Variants in COPS3 observed in about 807,000 individuals in gnomAD.
COPS3 encodes COP9 signalosome complex subunit 3.
Under a neutral mutation model 58.2 loss-of-function variants are expected in COPS3, and 10 were observed. That is an observed-to-expected ratio of 0.17 (90% confidence interval 0.11 to 0.29). COPS3 has a LOEUF of 0.29. Among genes scored for constraint, COPS3 ranks in the 10% least tolerant of loss-of-function variants. The pLI, the probability that COPS3 is intolerant of heterozygous loss-of-function variation, is 1.00. For synonymous variants in COPS3, 187 were observed against 181.7 expected, an observed-to-expected ratio of 1.03 and a Z score of -0.24; for missense variants, 333 against 510.1, an observed-to-expected ratio of 0.65 and a Z score of 3.34.
chr17:17,255,027 C>CCACATTAAAT, intron 8 of COPS3, 82 bp from the exon 9 acceptor site: 1 of 942,902 alleles, frequency 1.1e-6, no homozygotes, highest in Non-Finnish European at 1.7e-6. Flanking sequence ...AGCGGCCAGG[C>CCACATTAAAT]GTGGTGGCTC....
intron 2 of COPS3, among the ~76,000 whole-genome samples, chr17:17,274,552 G>A (rs2048420547): frequency 6.6e-6 from 1 of 151,646 alleles, no homozygotes; most frequent in Non-Finnish European, 1.5e-5. Context: ...AGCCTCCCGA[G>A]TAGCTGGGAC....
intron 9 of COPS3, among the ~76,000 whole-genome samples, chr17:17,252,713 T>G (rs1358944569): frequency 6.6e-6 from 1 of 152,180 alleles, no homozygotes; most frequent in Non-Finnish European, 1.5e-5. Flanking sequence ...CTGTCTGGTG[T>G]CATAACCACT....
chr17:17,274,284 C>A (rs1255833576), intron 2 of COPS3, among the ~76,000 whole-genome samples: 1 of 151,938 alleles, frequency 6.6e-6, no homozygotes, highest in Non-Finnish European at 1.5e-5. Context: ...CTATTGTGAA[C>A]CCCAGATGAA....
At chr17:17,264,743 G>T in intron 6 of COPS3, 59 bp downstream of exon 6, 1 of 1,473,634 alleles carries the variant, frequency 6.8e-7, no homozygotes, top group South Asian at 1.3e-5. Context: ...AAACCTATGG[G>T]AGCACTTTTT....
chr17:17,276,020 G>A lies in COPS3; in HGVS notation c.185+15C>T. The A allele has an allele frequency of 6.2e-7, 1 of 1,611,280 alleles. No homozygotes were observed. The highest frequency in any genetic ancestry group is 1.7e-4 in the Middle Eastern group (1 of 6,044). ...TTTTAACAAGCACAGAACTATAAAA[G>A]AAGATGCTCCTTACAAAACAGCAAG... On this transcript the variant is annotated intron_variant, in intron 2 of 11. Coordinates refer to ENST00000268717, the MANE Select transcript of COPS3 (RefSeq NM_003653.4).
chr17:17,274,233 T>C (rs1444450441), intron 2 of COPS3, among the ~76,000 whole-genome samples: 1 of 152,148 alleles, frequency 6.6e-6, no homozygotes, highest in Non-Finnish European at 1.5e-5. Flanking sequence ...CTGAGCTTCA[T>C]ATTTTTATTT....
At chr17:17,247,598 G>A (rs781635586) in intron 10 of COPS3, 38 bp from the exon 11 acceptor site, 5 of 1,596,810 alleles carry the variant, frequency 3.1e-6, no homozygotes, top group Non-Finnish European at 3.4e-6. Flanking sequence ...TCAGCGGCGG[G>A]TTTAGGTCAG....
intron 8 of COPS3, among the ~76,000 whole-genome samples, chr17:17,258,848 T>C (rs547084011): frequency 1.2e-4 from 18 of 152,334 alleles, no homozygotes; most frequent in African/African-American, 3.8e-4. Flanking sequence ...CATTTTTCTC[T>C]CATAAAAATT....
At chr17:17,253,375 T>C (rs2047893672) in intron 9 of COPS3, among the ~76,000 whole-genome samples, 1 of 152,154 alleles carries the variant, frequency 6.6e-6, no homozygotes, top group African/African-American at 2.4e-5. Flanking sequence ...AATAGGTAGG[T>C]AGATTACAAT....
rs757188661 is a variant in COPS3, at chr17:17,262,661, C to T, written c.622-555G>A. On this transcript the variant is annotated intron_variant, in intron 6 of 11. Coordinates refer to ENST00000268717, the MANE Select transcript of COPS3 (RefSeq NM_003653.4). ...AGGAGAAGGGTGTGAACCCAGGAGGCGGAGCTTGCAGTGAGCTGAGATTGC... is the reference window on the plus strand; with the variant it reads ...AGGAGAAGGGTGTGAACCCAGGAGGTGGAGCTTGCAGTGAGCTGAGATTGC... Among the ~76,000 whole-genome samples, 62 of 151,926 alleles carry T rather than the reference C, an allele frequency of 4.1e-4. 2 individuals are homozygous for T. Among genetic ancestry groups the T allele is most frequent in the Non-Finnish European group, 2.2e-4 (15 of 67,942 alleles).
chr17:17,278,969 G>A (rs1180531186), intron 1 of COPS3, among the ~76,000 whole-genome samples: 1 of 151,402 alleles, frequency 6.6e-6, no homozygotes, highest in African/African-American at 2.4e-5. Context: ...CCACCTCCCA[G>A]GTTCATGCCA....
chr17:17,275,992 C>G, intron 2 of COPS3, 43 bp downstream of exon 2: 1 of 1,559,178 alleles, frequency 6.4e-7, no homozygotes, highest in Non-Finnish European at 8.7e-7. Flanking sequence ...GCACAGTGTT[C>G]CATTTTAACA....
At chr17:17,269,179 C>T (rs192683337) in intron 4 of COPS3, among the ~76,000 whole-genome samples, 1 of 152,176 alleles carries the variant, frequency 6.6e-6, no homozygotes, top group East Asian at 1.9e-4. Context: ...ATACAAAAAT[C>T]ACTGGGAGGC....
chr17:17,269,476 G>A (rs746469503), intron 4 of COPS3, among the ~76,000 whole-genome samples: 5 of 152,068 alleles, frequency 3.3e-5, no homozygotes, highest in Non-Finnish European at 5.9e-5. Context: ...TGCGCCTGTA[G>A]TCCCAGCTAC....
chr17:17,262,585 C>T (rs2048124656), intron 6 of COPS3, among the ~76,000 whole-genome samples: 1 of 151,890 alleles, frequency 6.6e-6, no homozygotes, highest in African/African-American at 2.4e-5. Flanking sequence ...AAAAAATTAG[C>T]CGGGTGTGGT....
intron 7 of COPS3, chr17:17,260,689 G>A: frequency 3.0e-6 from 1 of 334,948 alleles, no homozygotes; most frequent in South Asian, 4.5e-5. Context: ...TGTAATCCCA[G>A]CTACTTGGGA....
rs1461025107 is a variant in COPS3, at chr17:17,267,837, C to T, written c.441+48G>A. On this transcript the variant is annotated intron_variant, in intron 5 of 11. Transcript: ENST00000268717. ...ACCCAATGTTGAGCAAGCCCATAAA[C>T]AACCTACACCTCTGACTTGGTGTGA... 1.9e-6 allele frequency: 3 copies of T among 1,582,750 alleles called. No homozygotes were observed. The South Asian group carries it at 3.4e-5, about 18-fold the overall frequency.
intron 6 of COPS3, among the ~76,000 whole-genome samples, chr17:17,263,015 G>A (rs998814013): frequency 6.6e-6 from 1 of 151,692 alleles, no homozygotes; most frequent in African/African-American, 2.4e-5. Context: ...CTGGCTGGGC[G>A]TGTTGGCTCA....
chr17:17,260,271 G>A, intron 8 of COPS3, 30 bp downstream of exon 8: 2 of 1,606,868 alleles, frequency 1.2e-6, no homozygotes, highest in South Asian at 1.1e-5. Context: ...GGGGTCAGGA[G>A]CTGCCCTGTG....
Sources: allele counts gnomAD v4.1 joint callset (sites outside exome capture counted in the v4.1 genomes callset), GRCh38; gene constraint gnomAD v4.1.1; transcripts MANE v1.5; gene names NCBI Gene and HGNC (gene_info 2026-07-23, HGNC 2026-07-21).